STAB2: variants seen among roughly 807,000 people sequenced by gnomAD.
STAB2 encodes stabilin-2.
A neutral mutation model predicts 338.1 loss-of-function variants in STAB2; 288 were observed. The ratio of observed to expected loss-of-function variants is 0.85; its 90% confidence interval spans 0.77 to 0.94. The LOEUF (loss-of-function observed/expected upper bound fraction) is 0.94. Among genes scored for constraint, STAB2 ranks in the 40% least tolerant of loss-of-function variants. STAB2 has a pLI of 0.00. For synonymous variants in STAB2, 1,202 were observed against 1,193.3 expected, an observed-to-expected ratio of 1.01 and a Z score of -0.15; for missense variants, 3,141 against 3,210.1, an observed-to-expected ratio of 0.98 and a Z score of 0.52.
chr12:103,690,585 G>A (rs1207990678), intron 30 of STAB2, 47 bp downstream of exon 30: 1 of 1,522,442 alleles, frequency 6.6e-7, no homozygotes, highest in Non-Finnish European at 9.0e-7. Flanking sequence ...TAACAGCTTT[G>A]TTTATATTGT....
Position 103,704,500 on chromosome 12 carries a change from A to G in STAB2, c.3844-58A>G. ...AAACCTTCATTTCCAAGTTCTGGACATGCAGCTTCATTTTGTATTAAAGTT... is the reference window on the plus strand; with the variant it reads ...AAACCTTCATTTCCAAGTTCTGGACGTGCAGCTTCATTTTGTATTAAAGTT... On this transcript the variant is annotated intron_variant, in intron 35 of 68. Coordinates refer to ENST00000388887, the MANE Select transcript of STAB2 (RefSeq NM_017564.10). 3 of 1,547,792 alleles carry G rather than the reference A, an allele frequency of 1.9e-6. No individual in the cohort carries two copies. In the South Asian group the frequency reaches 3.5e-5, roughly 18 times the overall value.
Position 103,733,066 on chromosome 12 carries a change from C to T in STAB2, c.5344C>T (p.Pro1782Ser). The T allele has an allele frequency of 3.1e-6, 5 of 1,614,096 alleles. No homozygotes were observed. The highest frequency in any genetic ancestry group is 4.2e-6 in the Non-Finnish European group (5 of 1,180,008). The change falls in exon 51 of 69, where the codon CCC becomes TCC. Residue 1782 changes from proline to serine, a missense_variant. Pro to Ser is a moderately conservative substitution (Grantham distance 74). Transcript: ENST00000388887. The part of the protein sequence containing the change: ...PIHTPVTLFW[P>S]TDQALHALPA... ...CCACACCCCAGTCACTCTCTTCTGGCCCACCGACCAAGCCCTCCATGCCCT... is the reference window on the plus strand; with the variant it reads ...CCACACCCCAGTCACTCTCTTCTGGTCCACCGACCAAGCCCTCCATGCCCT...
chr12:103,716,015 AG>A, intron 43 of STAB2, 127 bp downstream of exon 43: 1 of 1,030,034 alleles, frequency 9.7e-7, no homozygotes. Flanking sequence ...TAAATACTTT[AG>A]GGGAAATTCT....
intron 3 of STAB2, among the ~76,000 whole-genome samples, chr12:103,606,064 G>A (rs1206858862): frequency 6.6e-6 from 1 of 151,802 alleles, no homozygotes; most frequent in African/African-American, 2.4e-5. Context: ...CTCTTTGTTT[G>A]CCTTCTTTTG....
Position 103,746,688 on chromosome 12 carries a change from C to T in STAB2, c.6228C>T (p.Asp2076=), listed in dbSNP as rs767352468. The change falls in exon 58 of 69, where the codon GAC becomes GAT. Residue 2076 remains aspartate (D), a synonymous_variant. Transcript: ENST00000388887. ...TCECNLDYEG[D]GITCTVVDFC... is the part of the protein sequence containing the mutation. ...AGTGTAACCTGGATTATGAAGGTGA[C>T]GGAATCACATGCACAGGTAAGCCAC... 126 of 1,613,656 alleles carry T rather than the reference C, an allele frequency of 7.8e-5. 1 individual carries two copies. The highest frequency in any genetic ancestry group is 8.6e-5 in the Non-Finnish European group (102 of 1,179,816).
chr12:103,728,799 C>A, intron 47 of STAB2, 50 bp from the exon 48 acceptor site: 1 of 1,607,084 alleles, frequency 6.2e-7, no homozygotes. Flanking sequence ...TGGCACATTG[C>A]AGCAAAAGAC....
intron 31 of STAB2, among the ~76,000 whole-genome samples, chr12:103,693,601 G>A (rs931645190): frequency 6.6e-6 from 1 of 152,100 alleles, no homozygotes; most frequent in African/African-American, 2.4e-5. Context: ...AGGTAGGGAA[G>A]GCCCTAAGGA....
rs1481857983 is a variant in STAB2, at chr12:103,633,233, C to G, written c.583+1540C>G. On this transcript the variant is annotated intron_variant, in intron 6 of 68. Coordinates refer to ENST00000388887, the MANE Select transcript of STAB2 (RefSeq NM_017564.10). ...CCAGAAGCCAGCCTAAGGGAAAACCCTAATAGATATGCTTCCAAGTAAAAA... is the reference window on the plus strand; with the variant it reads ...CCAGAAGCCAGCCTAAGGGAAAACCGTAATAGATATGCTTCCAAGTAAAAA... Among the ~76,000 whole-genome samples the G allele has an allele frequency of 2.0e-5, 3 of 152,146 alleles. No individual in the cohort carries two copies. The South Asian group carries it at 6.2e-4, about 32-fold the overall frequency.
chr12:103,638,530 T>C (rs1957589807), intron 8 of STAB2, among the ~76,000 whole-genome samples: 2 of 152,256 alleles, frequency 1.3e-5, no homozygotes, highest in South Asian at 4.1e-4. Context: ...GTTGAACATA[T>C]GATTGACTTT....
chr12:103,677,897 A>G (rs1316945834), intron 25 of STAB2, among the ~76,000 whole-genome samples: 1 of 152,198 alleles, frequency 6.6e-6, no homozygotes, highest in Non-Finnish European at 1.5e-5. Flanking sequence ...CCTCTTAGTC[A>G]CCACCCTGGA....
chr12:103,676,647 G>A (rs1014759293), intron 24 of STAB2, among the ~76,000 whole-genome samples: 1 of 152,134 alleles, frequency 6.6e-6, no homozygotes, highest in Non-Finnish European at 1.5e-5. Flanking sequence ...TCTGTTGTTG[G>A]TAGGGGTGTA....
At chr12:103,592,771 G>A (rs1376538542) in intron 2 of STAB2, among the ~76,000 whole-genome samples, 1 of 152,038 alleles carries the variant, frequency 6.6e-6, no homozygotes. Flanking sequence ...TATTGTTTAG[G>A]CACTAAATCT....
At chr12:103,650,922 T>C (rs1439267335) in intron 11 of STAB2, among the ~76,000 whole-genome samples, 1 of 152,164 alleles carries the variant, frequency 6.6e-6, no homozygotes, top group African/African-American at 2.4e-5. Flanking sequence ...ATAAAGAAGA[T>C]TTGCTTAAAG....
In STAB2 at chr12:103,660,737, C is replaced by G. The variant is rs368992908; in HGVS notation, c.1843C>G (p.Leu615Val). The G allele has an allele frequency of 6.8e-6, 11 of 1,613,946 alleles. No homozygotes were observed. In the African/African-American group the frequency reaches 1.3e-4, roughly 20 times the overall value. ...TPHIRSMANQ[L>V]IQFNTTDNGQ... ...TCACATCAGGAGCATGGCCAACCAG[C>G]TCATACAGTTCAACACCACCGACAA... Residue 615 changes from leucine to valine, a missense_variant, in exon 17 of 69, where the codon CTC becomes GTC. Coordinates refer to ENST00000388887, the MANE Select transcript of STAB2 (RefSeq NM_017564.10).
chr12:103,590,181 T>A (rs945713328), intron 1 of STAB2, among the ~76,000 whole-genome samples: 1 of 152,190 alleles, frequency 6.6e-6, no homozygotes, highest in Non-Finnish European at 1.5e-5. Flanking sequence ...AATTTAGTAG[T>A]TACATATCCA....
intron 35 of STAB2, among the ~76,000 whole-genome samples, chr12:103,704,033 C>A (rs1443249046): frequency 2.6e-5 from 4 of 152,178 alleles, no homozygotes; most frequent in Non-Finnish European, 5.9e-5. Context: ...CCCTGAACAA[C>A]CACATTATCC....
intron 3 of STAB2, among the ~76,000 whole-genome samples, chr12:103,612,147 C>G (rs1479533328): frequency 1.3e-5 from 2 of 152,158 alleles, no homozygotes; most frequent in African/African-American, 4.8e-5. Context: ...TTTGGTGAAT[C>G]TGACAATTAT....
At chr12:103,587,827 G>C (rs1017772061) in intron 1 of STAB2, among the ~76,000 whole-genome samples, 1 of 152,148 alleles carries the variant, frequency 6.6e-6, no homozygotes, top group African/African-American at 2.4e-5. Flanking sequence ...GCAGCTGTTG[G>C]CGTCTTGTTT....
intron 49 of STAB2, 53 bp downstream of exon 49, chr12:103,730,309 A>G (rs1881535612): frequency 1.9e-6 from 3 of 1,567,912 alleles, no homozygotes; most frequent in African/African-American, 2.7e-5. Context: ...ATACATTATC[A>G]TCTCTATTCT....
Sources: gnomAD v4.1 joint callset for allele counts (sites outside exome capture counted in the v4.1 genomes callset) on GRCh38, gnomAD v4.1.1 for gene constraint, MANE v1.5 for transcripts, NCBI Gene and HGNC (gene_info 2026-07-23, HGNC 2026-07-21) for gene names.